Variants in PCDHGA1 observed in about 807,000 individuals in gnomAD.
PCDHGA1 encodes protocadherin gamma-A1.
Under a neutral mutation model 58.0 loss-of-function variants are expected in PCDHGA1, and 32 were observed. That is an observed-to-expected ratio of 0.55 (90% CI 0.42 to 0.74). PCDHGA1 has a LOEUF of 0.74. Among genes scored for constraint, PCDHGA1 ranks in the 30% least tolerant of loss-of-function variants. The pLI, the probability that PCDHGA1 is intolerant of heterozygous loss-of-function variation, is 0.00. For missense variants in PCDHGA1, 1,205 were observed against 1,182.3 expected (o/e 1.02, Z -0.28); for synonymous variants, 498 against 501.1 (o/e 0.99, Z 0.08).
chr5:141,413,932 G>T (rs762255781), intron 1 of PCDHGA1: 2 of 1,613,426 alleles, frequency 1.2e-6, no homozygotes, highest in Admixed American at 1.7e-5. Context: ...AGAATACCGA[G>T]TGAGTGTTCC....
At chr5:141,333,328 G>A (rs1756459565) in intron 1 of PCDHGA1, 1 of 744,240 alleles carries the variant, frequency 1.3e-6, no homozygotes, top group Non-Finnish European at 2.1e-6. Flanking sequence ...AATGTAGGTG[G>A]TTGGGTTGAA....
chr5:141,495,973 A>C (rs2099764953), intron 2 of PCDHGA1, among the ~76,000 whole-genome samples: 1 of 146,988 alleles, frequency 6.8e-6, no homozygotes, highest in African/African-American at 2.5e-5. Context: ...TTTCTCTGTT[A>C]CTCTTTCTTT....
chr5:141,384,847 G>A (rs781186343), intron 1 of PCDHGA1: 9 of 1,613,590 alleles, frequency 5.6e-6, no homozygotes, highest in Admixed American at 3.3e-5. Flanking sequence ...CCAGGACCAC[G>A]GTCAGCCTCC....
At chr5:141,475,764 C>T (rs2154573514) in intron 1 of PCDHGA1, among the ~76,000 whole-genome samples, 1 of 152,380 alleles carries the variant, frequency 6.6e-6, no homozygotes, top group South Asian at 2.1e-4. Flanking sequence ...CCGATACTGG[C>T]AAGGCGCTTT....
chr5:141,359,342 G>A (rs1479136491), intron 1 of PCDHGA1, among the ~76,000 whole-genome samples: 1 of 152,012 alleles, frequency 6.6e-6, no homozygotes, highest in Non-Finnish European at 1.5e-5. Flanking sequence ...GAATGAGAGT[G>A]CCACATGTTT....
intron 1 of PCDHGA1, chr5:141,393,689 C>G (rs2150535299): frequency 6.2e-7 from 1 of 1,613,890 alleles, no homozygotes; most frequent in Middle Eastern, 1.7e-4. Context: ...CTCCGTTATT[C>G]CAGCTTAATG....
At chr5:141,376,594 G>A in intron 1 of PCDHGA1, 2 of 1,525,706 alleles carry the variant, frequency 1.3e-6, no homozygotes, top group Non-Finnish European at 1.8e-6. Flanking sequence ...TAGATCGGCT[G>A]TTATAGAAGC....
chr5:141,430,534 C>CT (rs962032641), intron 1 of PCDHGA1: 2 of 381,726 alleles, frequency 5.2e-6, no homozygotes, highest in Non-Finnish European at 9.2e-6. Context: ...GGTTAGGACT[C>CT]TGAGCGCCGC....
chr5:141,376,763 T>A (rs1300525391), intron 1 of PCDHGA1: 1 of 425,102 alleles, frequency 2.4e-6, no homozygotes. Context: ...CTCGGCTCAC[T>A]GCAAGCTCCG....
intron 1 of PCDHGA1, chr5:141,419,399 G>T (rs893535249): frequency 6.2e-7 from 1 of 1,613,470 alleles, no homozygotes. Context: ...GAGCGGGGTG[G>T]TGTTCGCGCA....
intron 1 of PCDHGA1, chr5:141,478,158 C>G: frequency 6.2e-7 from 1 of 1,614,054 alleles, no homozygotes; most frequent in Non-Finnish European, 8.5e-7. Flanking sequence ...CCCTCTGGCT[C>G]TGCCCCCCGG....
intron 1 of PCDHGA1, among the ~76,000 whole-genome samples, chr5:141,456,679 T>C (rs1357662868): frequency 2.0e-5 from 3 of 152,104 alleles, no homozygotes; most frequent in Non-Finnish European, 2.9e-5. Flanking sequence ...AAAAATGCAT[T>C]ACTGGCCAGG....
intron 1 of PCDHGA1, chr5:141,433,358 CCTATCTATCTAT>C (rs3074541): frequency 0.01 from 5,256 of 504,010 alleles, 38 homozygotes; most frequent in Non-Finnish European, 0.014. Flanking sequence ...CTACTGTCTG[CCTATCTATCTAT>C]CTATCTATCT....
intron 1 of PCDHGA1, chr5:141,377,801 T>C (rs1439596981): frequency 1.3e-5 from 2 of 152,176 alleles, no homozygotes; most frequent in African/African-American, 2.4e-5. Context: ...CCTGTAACTA[T>C]CTGTTATTTA....
At chr5:141,362,927 A>G (rs940614958) in intron 1 of PCDHGA1, among the ~76,000 whole-genome samples, 2 of 152,224 alleles carry the variant, frequency 1.3e-5, no homozygotes, top group African/African-American at 2.4e-5. Context: ...GAGTAAAGAG[A>G]GTCTTCATTT....
intron 1 of PCDHGA1, chr5:141,356,800 G>A: frequency 1.2e-6 from 2 of 1,614,046 alleles, no homozygotes; most frequent in Non-Finnish European, 1.7e-6. Flanking sequence ...GCTGATGACA[G>A]CCAGTGACAG....
At chr5:141,382,164 T>A (rs938169976) in intron 1 of PCDHGA1, among the ~76,000 whole-genome samples, 5 of 152,100 alleles carry the variant, frequency 3.3e-5, no homozygotes, top group Non-Finnish European at 5.9e-5. Context: ...AATGAAGGTG[T>A]TAGACCGTCT....
chr5:141,502,661 T>G (rs1440361647), intron 2 of PCDHGA1, among the ~76,000 whole-genome samples: 1 of 152,240 alleles, frequency 6.6e-6, no homozygotes. Flanking sequence ...CAACCCTTCA[T>G]GCAATTTTAG....
intron 1 of PCDHGA1, chr5:141,388,897 A>G (rs768114504): frequency 6.2e-7 from 1 of 1,613,994 alleles, no homozygotes; most frequent in Non-Finnish European, 8.5e-7. Context: ...GTCATAGATG[A>G]AAATGACAAC....
Sources: gnomAD v4.1 joint callset for allele counts (sites outside exome capture counted in the v4.1 genomes callset) on GRCh38, gnomAD v4.1.1 for gene constraint, MANE v1.5 for transcripts, NCBI Gene and HGNC (gene_info 2026-07-23, HGNC 2026-07-21) for gene names.